DGKH: variants seen among roughly 807,000 people sequenced by gnomAD.
DGKH encodes the protein diacylglycerol kinase eta.
In DGKH, 90 loss-of-function variants were observed where a neutral mutation model predicts 159.3. The observed-to-expected ratio is 0.57, with a 90% confidence interval of 0.48 to 0.67. DGKH has a LOEUF of 0.67. DGKH is among the 30% of genes least tolerant of loss of function. The probability of loss-of-function intolerance (pLI) is 0.00; values close to 1 mark genes in which losing one functional copy is unlikely to be tolerated. For synonymous variants in DGKH, 536 were observed against 553.8 expected, an observed-to-expected ratio of 0.97 and a Z score of 0.45; for missense variants, 1,181 against 1,506.1, an observed-to-expected ratio of 0.78 and a Z score of 3.57.
chr13:42,095,043 C>T (rs180671543), intron 1 of DGKH, among the ~76,000 whole-genome samples: 14 of 151,552 alleles, frequency 9.2e-5, no homozygotes, highest in Admixed American at 3.9e-4. Flanking sequence ...ATGGAAGGAG[C>T]GGTGGGTCCT....
intron 3 of DGKH, among the ~76,000 whole-genome samples, chr13:42,137,748 A>C (rs934737639): frequency 1.3e-5 from 2 of 152,226 alleles, no homozygotes; most frequent in Non-Finnish European, 2.9e-5. Flanking sequence ...AATGTTGACT[A>C]AAGAGCTCAC....
chr13:42,115,627 G>A (rs1276503943), intron 1 of DGKH, among the ~76,000 whole-genome samples: 1 of 152,156 alleles, frequency 6.6e-6, no homozygotes, highest in Middle Eastern at 3.2e-3. Flanking sequence ...GGTGTATTTG[G>A]GGATTACCAA....
At chr13:42,151,077 G>A (rs949219467) in intron 3 of DGKH, among the ~76,000 whole-genome samples, 1 of 152,110 alleles carries the variant, frequency 6.6e-6, no homozygotes, top group African/African-American at 2.4e-5. Context: ...CTCCTCTAGA[G>A]TCGAGAGTCT....
chr13:42,214,480 A>C (rs374054579), intron 24 of DGKH, 27 bp from the exon 25 acceptor site: 172 of 1,594,478 alleles, frequency 1.1e-4, no homozygotes, highest in Admixed American at 2.4e-4. Flanking sequence ...AAAGTTTTTT[A>C]TTCATTTGTT....
intron 1 of DGKH, among the ~76,000 whole-genome samples, chr13:42,106,820 G>A (rs117237359): frequency 0.022 from 3,280 of 152,190 alleles, 49 homozygotes; most frequent in Middle Eastern, 0.048. Context: ...GAGGCGGGTG[G>A]ATCACAAGTC....
intron 11 of DGKH, 52 bp downstream of exon 11, chr13:42,168,870 AT>A (rs34761363): frequency 7.8e-6 from 12 of 1,534,510 alleles, no homozygotes; most frequent in African/African-American, 1.4e-5. Flanking sequence ...TACTGAAATC[AT>A]TTTTTTGATG....
intron 1 of DGKH, among the ~76,000 whole-genome samples, chr13:42,114,410 T>C (rs569215949): frequency 5.9e-5 from 9 of 151,856 alleles, no homozygotes; most frequent in Non-Finnish European, 1.3e-4. Context: ...TTCATTCATT[T>C]GTTCAGTATA....
chr13:42,145,732 G>A (rs1288385237), intron 3 of DGKH, among the ~76,000 whole-genome samples: 1 of 152,182 alleles, frequency 6.6e-6, no homozygotes, highest in Non-Finnish European at 1.5e-5. Context: ...AGGGTTTCTT[G>A]TTGGTAGGGG....
At chr13:42,064,809 A>AAT (rs1254328557) in intron 1 of DGKH, among the ~76,000 whole-genome samples, 1 of 152,164 alleles carries the variant, frequency 6.6e-6, no homozygotes, top group African/African-American at 2.4e-5. Flanking sequence ...TCTTTAGTAA[A>AAT]ATACAAAGAC....
intron 3 of DGKH, among the ~76,000 whole-genome samples, chr13:42,143,225 G>GGGATTCTGGAGTTGTCAATAAGA (rs1955619824): frequency 6.6e-6 from 1 of 152,170 alleles, no homozygotes; most frequent in Middle Eastern, 3.2e-3. Flanking sequence ...TGTTGAACCA[G>GGGATTCTGGAGTTGTCAATAAGA]CCTTGCATCC....
chr13:42,099,437 A>G (rs924611924), intron 1 of DGKH, among the ~76,000 whole-genome samples: 1 of 152,120 alleles, frequency 6.6e-6, no homozygotes, highest in African/African-American at 2.4e-5. Flanking sequence ...TGTGCTAGGA[A>G]AGTGTTCACA....
intron 26 of DGKH, among the ~76,000 whole-genome samples, chr13:42,216,371 T>A (rs976150828): frequency 1.3e-5 from 2 of 152,202 alleles, no homozygotes; most frequent in Non-Finnish European, 2.9e-5. Context: ...AAGGCCTAAT[T>A]CATTTGCTGT....
chr13:42,117,556 C>A (rs1954987361), intron 1 of DGKH, among the ~76,000 whole-genome samples: 1 of 152,068 alleles, frequency 6.6e-6, no homozygotes, highest in Non-Finnish European at 1.5e-5. Flanking sequence ...AATGTTTTTT[C>A]CTTTTCTTTT....
At chr13:42,116,998 A>G (rs913836276) in intron 1 of DGKH, among the ~76,000 whole-genome samples, 5 of 152,196 alleles carry the variant, frequency 3.3e-5, no homozygotes, top group East Asian at 1.9e-4. Context: ...GTTGGAGTCT[A>G]TATGGCTTTA....
At position 42,135,422 on chromosome 13, in the gene DGKH, G is replaced by A. The variant is rs989135146; in HGVS notation, c.384+5790G>A. Among the ~76,000 whole-genome samples, 5 of 146,320 alleles carry A rather than the reference G, an allele frequency of 3.4e-5. No homozygotes were observed. The South Asian group carries it at 6.7e-4, about 20-fold the overall frequency. On this transcript the variant is annotated intron_variant, in intron 3 of 29. Transcript: ENST00000337343. ...GCTGAGGTGGGAGGATCTCTTGAGC[G>A]GAGGTTGCAGTAAGCCAAGATCGCA...
intron 11 of DGKH, among the ~76,000 whole-genome samples, chr13:42,169,833 T>C (rs550641739): frequency 1.3e-5 from 2 of 152,292 alleles, no homozygotes; most frequent in Non-Finnish European, 2.9e-5. Context: ...CTCCAGTAGC[T>C]TGGGTGCATA....
chr13:42,200,105 CATT>C (rs773125587), intron 20 of DGKH, among the ~76,000 whole-genome samples, 196 bp downstream of exon 20: 13 of 152,284 alleles, frequency 8.5e-5, no homozygotes, highest in East Asian at 1.9e-4. Context: ...TTATCATCAT[CATT>C]ATCTCCTGAA....
intron 13 of DGKH, among the ~76,000 whole-genome samples, chr13:42,186,056 C>T (rs1053626847): frequency 2.8e-5 from 4 of 142,052 alleles, no homozygotes; most frequent in Non-Finnish European, 6.2e-5. Context: ...TGTGTATGTC[C>T]TGTGTCTATT....
chr13:42,253,687 C>T (rs1426057173), intron 30 of DGKH, among the ~76,000 whole-genome samples: 1 of 152,170 alleles, frequency 6.6e-6, no homozygotes, highest in Non-Finnish European at 1.5e-5. Context: ...TGAATTTAGC[C>T]ATTGTGGTAA....
Sources: allele counts gnomAD v4.1 joint callset (sites outside exome capture counted in the v4.1 genomes callset), GRCh38; gene constraint gnomAD v4.1.1; transcripts MANE v1.5; gene names NCBI Gene and HGNC (gene_info 2026-07-23, HGNC 2026-07-21).